The following PPARG variants were observed in gnomAD, a reference collection of about 807,000 sequenced individuals.
PPARG encodes the protein peroxisome proliferator activated receptor gamma.
PPARG carries 17 observed loss-of-function variants against 39.2 expected under a neutral mutation model. The ratio of observed to expected loss-of-function variants is 0.43; its 90% confidence interval spans 0.30 to 0.65. The LOEUF is 0.65. Ranked by LOEUF, PPARG falls within the 30% of genes least tolerant of loss-of-function variation. The pLI is 0.13. For missense variants in PPARG, 406 were observed against 585.9 expected, an observed-to-expected ratio of 0.69 and a Z score of 3.17; for synonymous variants, 223 against 215.7, an observed-to-expected ratio of 1.03 and a Z score of -0.30.
In PPARG at chr3:12,312,535, A is replaced by G. The variant is rs114467426; in HGVS notation, c.-9+82A>G. On this transcript the variant is annotated intron_variant, in intron 2 of 7. Coordinates refer to ENST00000651735, the MANE Select transcript of PPARG (RefSeq NM_138711.6). ...ATATGTAAATTATACATTGTATTTT[A>G]TTGTAAAATTTCCTAGAGAGTGATT... 247 of 152,332 alleles carry G rather than the reference A, an allele frequency of 1.6e-3. 1 individual carries two copies. Among genetic ancestry groups the G allele is most frequent in the African/African-American group, 5.7e-3 (237 of 41,578 alleles). The allele number at this position is 152,332 out of a possible 1,614,324, so 9.4% of individuals were successfully genotyped here. A position where few individuals can be genotyped will look rare whatever the true frequency, so the allele number is the denominator to read the frequency against.
chr3:12,332,273 G>A (rs2047883489), intron 2 of PPARG, among the ~76,000 whole-genome samples: 3 of 151,996 alleles, frequency 2.0e-5, no homozygotes, highest in Admixed American at 1.3e-4. Flanking sequence ...ATATGATAGG[G>A]TGAAATAAAA....
At chr3:12,386,986 T>C (rs1456483274) in intron 4 of PPARG, among the ~76,000 whole-genome samples, 1 of 152,096 alleles carries the variant, frequency 6.6e-6, no homozygotes, top group Non-Finnish European at 1.5e-5. Context: ...TTTCTGTCCT[T>C]GTGATAGTTT....
intron 4 of PPARG, among the ~76,000 whole-genome samples, chr3:12,383,162 C>T (rs1389945535): frequency 6.6e-6 from 1 of 152,034 alleles, no homozygotes; most frequent in African/African-American, 2.4e-5. Context: ...CTTCATCAGG[C>T]CCCCCATATG....
At chr3:12,314,119 A>G (rs1381532973) in intron 2 of PPARG, among the ~76,000 whole-genome samples, 1 of 152,098 alleles carries the variant, frequency 6.6e-6, no homozygotes, top group African/African-American at 2.4e-5. Context: ...TCTACTAAAA[A>G]TATAAAAATT....
intron 1 of PPARG, among the ~76,000 whole-genome samples, chr3:12,305,068 A>G (rs886693474): frequency 6.6e-6 from 1 of 151,092 alleles, no homozygotes; most frequent in Non-Finnish European, 1.5e-5. Context: ...TTGTAGCACT[A>G]GCTCTTGTTC....
intron 1 of PPARG, among the ~76,000 whole-genome samples, chr3:12,291,737 CTCT>C (rs1232348336): frequency 6.6e-6 from 1 of 152,080 alleles, no homozygotes; most frequent in Non-Finnish European, 1.5e-5. Flanking sequence ...TTTAAAATTT[CTCT>C]TCAACAATAA....
At chr3:12,408,455 A>G (rs2050751956) in intron 6 of PPARG, among the ~76,000 whole-genome samples, 1 of 152,248 alleles carries the variant, frequency 6.6e-6, no homozygotes, top group Non-Finnish European at 1.5e-5. Flanking sequence ...ATTGGACTAC[A>G]GAAAATAAGC....
intron 1 of PPARG, chr3:12,301,506 A>G (rs781458165): frequency 6.6e-5 from 10 of 152,194 alleles, no homozygotes; most frequent in Non-Finnish European, 1.2e-4. Context: ...TTTAACAGTT[A>G]ATCTCCTTTT....
At chr3:12,354,881 G>A (rs982447298) in intron 2 of PPARG, among the ~76,000 whole-genome samples, 2 of 152,120 alleles carry the variant, frequency 1.3e-5, no homozygotes, top group Non-Finnish European at 2.9e-5. Context: ...CGGGGCATCC[G>A]CATGATCTCC....
At chr3:12,407,057 A>G (rs1426172023) in intron 6 of PPARG, among the ~76,000 whole-genome samples, 3 of 152,160 alleles carry the variant, frequency 2.0e-5, no homozygotes, top group Non-Finnish European at 4.4e-5. Context: ...AAACTGAGAA[A>G]ACAACATGGA....
chr3:12,336,256 A>T (rs1055651501), intron 2 of PPARG, among the ~76,000 whole-genome samples: 1 of 152,192 alleles, frequency 6.6e-6, no homozygotes, highest in African/African-American at 2.4e-5. Context: ...ACATCACAAG[A>T]TACATCAGAT....
At chr3:12,290,917 A>T (rs544842913) in intron 1 of PPARG, among the ~76,000 whole-genome samples, 1 of 152,176 alleles carries the variant, frequency 6.6e-6, no homozygotes, top group Non-Finnish European at 1.5e-5. Flanking sequence ...TGTTTCACAC[A>T]TTCTGGCCCA....
At chr3:12,346,704 A>T (rs1321143850) in intron 2 of PPARG, among the ~76,000 whole-genome samples, 1 of 151,814 alleles carries the variant, frequency 6.6e-6, no homozygotes, top group African/African-American at 2.4e-5. Flanking sequence ...ATGCGATTAC[A>T]GCTCACTGCA....
At chr3:12,383,865 G>A (rs1002740754) in intron 4 of PPARG, among the ~76,000 whole-genome samples, 10 of 151,904 alleles carry the variant, frequency 6.6e-5, no homozygotes, top group Non-Finnish European at 1.3e-4. Context: ...AGAGAGAGGA[G>A]GAAATCCAAG....
At chr3:12,320,977 A>G (rs1416876645) in intron 2 of PPARG, among the ~76,000 whole-genome samples, 2 of 152,232 alleles carry the variant, frequency 1.3e-5, no homozygotes, top group African/African-American at 4.8e-5. Flanking sequence ...TATCTTTTTA[A>G]TATTTTTGTT....
rs541385455 is a variant in PPARG at position 12,290,811 on chromosome 3, T to C, written c.-83+1677T>C. 1.1e-4 allele frequency among the ~76,000 whole-genome samples: 16 copies of C among 152,314 alleles called. 2 individuals are homozygous for C. The South Asian group carries it at 3.3e-3, about 32-fold the overall frequency. On this transcript the variant is annotated intron_variant, in intron 1 of 7. Transcript: ENST00000651735. The stretch of plus-strand genomic sequence containing the variant: ...ACCGTGGAACATATACAAGTATTAA[T>C]AATACATTTCATTTAGTTTTCAGGT...
intron 5 of PPARG, among the ~76,000 whole-genome samples, chr3:12,397,008 T>A (rs564167544): frequency 6.6e-4 from 100 of 152,272 alleles, no homozygotes; most frequent in African/African-American, 2.3e-3. Flanking sequence ...TTTAAGAAAA[T>A]AATCTAGAGA....
intron 5 of PPARG, among the ~76,000 whole-genome samples, chr3:12,393,190 A>ATTTTTTTTTTTTTTTTTTTTTTTTTTTT (rs143287325): frequency 3.6e-5 from 4 of 111,542 alleles, no homozygotes; most frequent in Non-Finnish European, 5.4e-5. Context: ...GATTCATTTA[A>ATTTTTTTTTTTTTTTTTTTTTTTTTTTT]TTTTTTTTTT....
At chr3:12,390,889 G>C (rs1010866604) in intron 4 of PPARG, among the ~76,000 whole-genome samples, 1 of 151,938 alleles carries the variant, frequency 6.6e-6, no homozygotes, top group African/African-American at 2.4e-5. Flanking sequence ...GGACTCAAGC[G>C]ATCAATCCGC....
Sources: allele counts gnomAD v4.1 joint callset (sites outside exome capture counted in the v4.1 genomes callset), GRCh38; gene constraint gnomAD v4.1.1; transcripts MANE v1.5; gene names NCBI Gene and HGNC (gene_info 2026-07-23, HGNC 2026-07-21).